XRRA1: variants seen among roughly 807,000 people sequenced by gnomAD.
XRRA1 encodes the protein X-ray radiation resistance-associated protein 1.
In XRRA1, 69 loss-of-function variants were observed where a neutral mutation model predicts 80.2. That is an observed-to-expected ratio of 0.86 (90% CI 0.71 to 1.05). XRRA1 has a LOEUF of 1.05. Ranked by LOEUF, XRRA1 falls within the 50% of genes least tolerant of loss-of-function variation. XRRA1 has a pLI of 0.00. For synonymous variants in XRRA1, 348 were observed against 389.9 expected, an observed-to-expected ratio of 0.89 and a Z score of 1.27; for missense variants, 967 against 976.4, an observed-to-expected ratio of 0.99 and a Z score of 0.13.
chr11:74,921,409 A>G (rs1940756338), intron 7 of XRRA1, 62 bp from the exon 8 acceptor site: 6 of 1,595,716 alleles, frequency 3.8e-6, no homozygotes, highest in Admixed American at 1.7e-5. Context: ...ATGCTCATAT[A>G]TGATGTGGGA....
chr11:74,943,964 G>A (rs1157352947), intron 2 of XRRA1, among the ~76,000 whole-genome samples: 5 of 151,920 alleles, frequency 3.3e-5, no homozygotes, highest in Non-Finnish European at 7.4e-5. Context: ...TGGGACTATA[G>A]GCACATGCCA....
At chr11:74,884,871 T>C (rs143541570) in intron 10 of XRRA1, among the ~76,000 whole-genome samples, 44 of 151,948 alleles carry the variant, frequency 2.9e-4, no homozygotes, top group Admixed American at 2.8e-3. Flanking sequence ...CTAGAGAAAC[T>C]AAAGAAACAA....
At chr11:74,877,612 C>G (rs1221991947) in intron 10 of XRRA1, among the ~76,000 whole-genome samples, 1 of 113,104 alleles carries the variant, frequency 8.8e-6, no homozygotes, top group East Asian at 3.3e-4. Context: ...TCCCTCCCCC[C>G]TCCCCCCACC....
intron 10 of XRRA1, among the ~76,000 whole-genome samples, chr11:74,898,622 C>A (rs1381903212): frequency 3.3e-5 from 5 of 151,540 alleles, no homozygotes; most frequent in Admixed American, 1.3e-4. Context: ...TTATATCAGA[C>A]AAAATAGATT....
At chr11:74,914,111 G>A (rs1390686698) in intron 8 of XRRA1, among the ~76,000 whole-genome samples, 2 of 152,034 alleles carry the variant, frequency 1.3e-5, no homozygotes, top group South Asian at 2.1e-4. Flanking sequence ...TCAGTCTCCC[G>A]AGTAGCTGGG....
chr11:74,874,307 C>T (rs2045589440), intron 10 of XRRA1, among the ~76,000 whole-genome samples: 1 of 148,934 alleles, frequency 6.7e-6, no homozygotes, highest in African/African-American at 2.5e-5. Flanking sequence ...ACCTGAGAAC[C>T]TGAAGCTCAA....
At chr11:74,929,872 A>G (rs544046884) in intron 6 of XRRA1, among the ~76,000 whole-genome samples, 2 of 152,334 alleles carry the variant, frequency 1.3e-5, no homozygotes, top group East Asian at 3.9e-4. Context: ...TCACCAGAGC[A>G]GGACTGTATG....
chr11:74,863,959 G>A (rs905594469), intron 10 of XRRA1: 7 of 152,078 alleles, frequency 4.6e-5, no homozygotes, highest in East Asian at 1.9e-4. Flanking sequence ...CTGTCTGAAC[G>A]CGCATCCTGC....
intron 7 of XRRA1, 55 bp from the exon 8 acceptor site, chr11:74,921,402 C>T (rs1940751806): frequency 6.9e-6 from 11 of 1,604,522 alleles, no homozygotes; most frequent in East Asian, 2.2e-5. Context: ...GACAACAATG[C>T]TCATATATGA....
intron 13 of XRRA1, among the ~76,000 whole-genome samples, chr11:74,851,561 G>A (rs1437514009): frequency 1.3e-5 from 2 of 152,302 alleles, no homozygotes; most frequent in South Asian, 4.1e-4. Context: ...CATTCAGTGT[G>A]CTCTGGGAAG....
At chr11:74,880,375 G>C (rs1373301021) in intron 10 of XRRA1, among the ~76,000 whole-genome samples, 1 of 151,746 alleles carries the variant, frequency 6.6e-6, no homozygotes, top group Non-Finnish European at 1.5e-5. Context: ...AGTCTTGCTA[G>C]CGGTCTATCA....
intron 8 of XRRA1, among the ~76,000 whole-genome samples, chr11:74,910,285 T>G (rs1591326678): frequency 6.6e-6 from 1 of 152,160 alleles, no homozygotes; most frequent in Non-Finnish European, 1.5e-5. Context: ...CTCTTTCAGG[T>G]GGCGTTATTT....
intron 8 of XRRA1, among the ~76,000 whole-genome samples, chr11:74,917,123 C>T (rs1291591307): frequency 1.3e-5 from 2 of 152,116 alleles, no homozygotes; most frequent in Non-Finnish European, 2.9e-5. Flanking sequence ...TGGTTGTGTG[C>T]CTCTGTGTGC....
At chr11:74,913,412 T>C (rs908618964) in intron 8 of XRRA1, among the ~76,000 whole-genome samples, 2 of 152,220 alleles carry the variant, frequency 1.3e-5, no homozygotes, top group African/African-American at 4.8e-5. Flanking sequence ...AAAACAGGTT[T>C]TGAAGAATGA....
At position 74,914,051 on chromosome 11, in the gene XRRA1, T is replaced by C. The variant is rs531609513; in HGVS notation, c.657-6778A>G. ...CTGGGGTTGGAGTGCAGTGGTGTGA[T>C]CTTGGCTCACTGAAACCACTGCCTC... On this transcript the variant is annotated intron_variant, in intron 8 of 18. Transcript: ENST00000684022. Among the ~76,000 whole-genome samples, 7 of 152,294 alleles carry C rather than the reference T, an allele frequency of 4.6e-5. No homozygotes were observed. The East Asian group carries it at 1.2e-3, about 25-fold the overall frequency.
At chr11:74,925,537 G>A (rs751308896) in intron 7 of XRRA1, among the ~76,000 whole-genome samples, 4 of 151,466 alleles carry the variant, frequency 2.6e-5, no homozygotes, top group Non-Finnish European at 5.9e-5. Flanking sequence ...ATCACAGATA[G>A]ATGAAAACAG....
At chr11:74,900,977 A>C (rs1292454382) in intron 10 of XRRA1, among the ~76,000 whole-genome samples, 1 of 152,212 alleles carries the variant, frequency 6.6e-6, no homozygotes, top group Non-Finnish European at 1.5e-5. Flanking sequence ...AGAAAGAAAT[A>C]AAGGGGATCC....
chr11:74,907,607 A>T (rs141529590), intron 8 of XRRA1, among the ~76,000 whole-genome samples: 53 of 152,292 alleles, frequency 3.5e-4, no homozygotes, highest in African/African-American at 1.2e-3. Flanking sequence ...TGGAGGGAGC[A>T]TTCTGCAGAT....
At chr11:74,899,186 T>C (rs1213667649) in intron 10 of XRRA1, among the ~76,000 whole-genome samples, 1 of 152,078 alleles carries the variant, frequency 6.6e-6, no homozygotes, top group Non-Finnish European at 1.5e-5. Context: ...GAAATTAAGA[T>C]GGAAATTTTA....
Sources: gnomAD v4.1 joint callset for allele counts (sites outside exome capture counted in the v4.1 genomes callset) on GRCh38, gnomAD v4.1.1 for gene constraint, MANE v1.5 for transcripts, NCBI Gene and HGNC (gene_info 2026-07-23, HGNC 2026-07-21) for gene names.